Variants in PPP6R2 observed in about 807,000 individuals in gnomAD.
PPP6R2 encodes the protein protein phosphatase 6 regulatory subunit 2, also known as serine/threonine-protein phosphatase 6 regulatory subunit 2.
PPP6R2 carries 62 observed loss-of-function variants against 100.2 expected under a neutral mutation model. The ratio of observed to expected loss-of-function variants is 0.62; its 90% CI spans 0.50 to 0.76. The LOEUF is 0.76. Ranked by LOEUF, PPP6R2 falls within the 30% of genes least tolerant of loss-of-function variation. The probability of loss-of-function intolerance (pLI) is 0.00; values close to 1 mark genes in which losing one functional copy is unlikely to be tolerated. For synonymous variants in PPP6R2, 525 were observed against 514.7 expected (o/e 1.02, Z -0.27); for missense variants, 1,142 against 1,276.3 (o/e 0.89, Z 1.60).
At chr22:50,381,050 G>A (rs898531249) in intron 2 of PPP6R2, among the ~76,000 whole-genome samples, 6 of 146,498 alleles carry the variant, frequency 4.1e-5, no homozygotes, top group African/African-American at 1.3e-4. Flanking sequence ...GGAGGTGGAT[G>A]TTGCAGTGAG....
intron 13 of PPP6R2, among the ~76,000 whole-genome samples, chr22:50,436,038 C>T (rs566255739): frequency 1.4e-4 from 21 of 152,308 alleles, no homozygotes; most frequent in African/African-American, 3.8e-4. Context: ...ACGGCTTCTG[C>T]GTTTCTGGGA....
intron 1 of PPP6R2, among the ~76,000 whole-genome samples, chr22:50,371,746 C>G (rs769456250): frequency 3.3e-5 from 5 of 152,090 alleles, no homozygotes; most frequent in Non-Finnish European, 7.4e-5. Context: ...CTCCAGTGAT[C>G]CCGCCTCAGC....
chr22:50,432,228 A>G (rs1476685683), intron 11 of PPP6R2, 37 bp from the exon 12 acceptor site: 1 of 1,535,746 alleles, frequency 6.5e-7, no homozygotes. Context: ...CCGCCTTCAG[A>G]CCCTGACTCA....
intron 8 of PPP6R2, among the ~76,000 whole-genome samples, chr22:50,421,596 TATCTC>T (rs2147782839): frequency 6.6e-6 from 1 of 152,296 alleles, no homozygotes; most frequent in Non-Finnish European, 1.5e-5. Flanking sequence ...TTTAAATAAA[TATCTC>T]AGAAGACTTG....
chr22:50,432,132 G>A, intron 11 of PPP6R2, 133 bp from the exon 12 acceptor site: 4 of 779,264 alleles, frequency 5.1e-6, no homozygotes, highest in South Asian at 5.1e-5. Context: ...GGCTGTGCGT[G>A]CGCAGCAGTC....
chr22:50,339,161 G>A (rs896839743), upstream of PPP6R2, among the ~76,000 whole-genome samples: 3 of 148,260 alleles, frequency 2.0e-5, no homozygotes, highest in African/African-American at 5.0e-5. Flanking sequence ...TGTGTGGTAT[G>A]TGGTGTGTGT....
intron 1 of PPP6R2, among the ~76,000 whole-genome samples, chr22:50,360,074 A>G (rs1243152453): frequency 2.2e-5 from 3 of 137,160 alleles, no homozygotes; most frequent in Non-Finnish European, 4.6e-5. Context: ...TTTTTTTGAG[A>G]TGGACTCTTG....
intron 22 of PPP6R2, 117 bp from the exon 23 acceptor site, chr22:50,443,749 C>A: frequency 7.2e-7 from 1 of 1,395,586 alleles, no homozygotes; most frequent in Middle Eastern, 2.6e-4. Context: ...GTGAGAGGGG[C>A]CAAAGATGGT....
chr22:50,385,507 G>GTT (rs71318815), intron 2 of PPP6R2, among the ~76,000 whole-genome samples: 190 of 131,388 alleles, frequency 1.4e-3, no homozygotes, highest in Non-Finnish European at 2.0e-3. Flanking sequence ...CAGGGATTAA[G>GTT]TTTTTTTTTT....
the PPP6R2 span, among the ~76,000 whole-genome samples, chr22:50,332,286 G>A: frequency 4.2e-3 from 634 of 150,504 alleles, 9 homozygotes; most frequent in East Asian, 0.066. Flanking sequence ...GGAGTGCAGT[G>A]GTGCAATCTT....
In PPP6R2 at chr22:50,436,583, A is replaced by T. The variant is rs1293374318; in HGVS notation, c.1602+131A>T. On this transcript the variant is annotated intron_variant, in intron 14 of 23. Coordinates refer to ENST00000612753, the MANE Select transcript of PPP6R2 (RefSeq NM_001242898.2). ...GCACGCCTGCCTGCTCCTCTTGACT[A>T]TGCGGTGCCCCTGCATAGTGTGTCC... 5 of 859,302 alleles carry T rather than the reference A, an allele frequency of 5.8e-6. No homozygotes were observed. In the Admixed American group the frequency reaches 8.7e-5, roughly 15 times the overall value. The allele number at this position is 859,302 out of a possible 1,614,324, so 53.2% of individuals were successfully genotyped here. A position where few individuals can be genotyped will look rare whatever the true frequency, so the allele number is the denominator to read the frequency against.
rs1469355138 is a variant in PPP6R2 at position 50,444,529 on chromosome 22, TG to T, written c.*287del. On this transcript the variant is annotated 3_prime_UTR_variant, in exon 24 of 24. Coordinates refer to ENST00000612753, the MANE Select transcript of PPP6R2 (RefSeq NM_001242898.2). ...TAAGGTCGGCCTGCAGGAGCCGGGG[TG>T]GGGGTGGGGGTGGGGGGGGCAGGAC... The T allele has an allele frequency of 1.8e-4, 3 of 16,402 alleles. No homozygotes were observed. The highest frequency in any genetic ancestry group is 3.4e-4 in the Non-Finnish European group (3 of 8,896). 1.0% of individuals were successfully genotyped at this position (16,402 alleles called of 1,614,324 possible). A position where few individuals can be genotyped will look rare whatever the true frequency, so the allele number is the denominator to read the frequency against.
intron 2 of PPP6R2, among the ~76,000 whole-genome samples, chr22:50,381,267 T>C (rs28705273): frequency 0.29 from 15,252 of 53,158 alleles, 419 homozygotes; most frequent in South Asian, 0.38. Flanking sequence ...CACACGGGCC[T>C]CACCTCAGCA....
At chr22:50,438,080 T>G in intron 17 of PPP6R2, 94 bp from the exon 18 acceptor site, 1 of 1,529,912 alleles carries the variant, frequency 6.5e-7, no homozygotes, top group Non-Finnish European at 8.8e-7. Flanking sequence ...GGCTCCCACA[T>G]CCCGAACTAA....
chr22:50,383,351 G>A (rs567570061), intron 2 of PPP6R2, among the ~76,000 whole-genome samples: 1 of 152,132 alleles, frequency 6.6e-6, no homozygotes, highest in Non-Finnish European at 1.5e-5. Context: ...AGTCCTTTTG[G>A]AAGTCTTATT....
At chr22:50,384,636 G>A (rs2148721675) in intron 2 of PPP6R2, among the ~76,000 whole-genome samples, 1 of 152,388 alleles carries the variant, frequency 6.6e-6, no homozygotes. Context: ...TCTGGTGGGG[G>A]CCTTCTTGCT....
chr22:50,336,207 C>T, the PPP6R2 span, among the ~76,000 whole-genome samples: 1 of 151,756 alleles, frequency 6.6e-6, no homozygotes, highest in Non-Finnish European at 1.5e-5. Flanking sequence ...CCAGGATGGT[C>T]TCGATCTCCT....
Position 50,431,087 on chromosome 22 carries a change from T to A in PPP6R2, c.1126-86T>A. 1 of 1,185,200 alleles carries A rather than the reference T, an allele frequency of 8.4e-7. No homozygotes were observed. Among genetic ancestry groups the A allele is most frequent in the African/African-American group, 1.5e-5 (1 of 66,000 alleles). 73.4% of individuals were successfully genotyped at this position (1,185,200 alleles called of 1,614,324 possible). On this transcript the variant is annotated intron_variant, in intron 10 of 23. Transcript: ENST00000612753. The surrounding 1 kb of genome is among the most constrained non-coding windows in gnomAD (Gnocchi z 4.8). ...ACTTGTGAGGAGTTAGGACGCCACC[T>A]TTAGGAAGGGTTTCCCTCAGCTTTG... is the stretch of plus-strand genomic sequence containing the variant.
At chr22:50,438,570 C>T (rs767126423) in intron 18 of PPP6R2, 29 bp from the exon 19 acceptor site, 2 of 1,612,068 alleles carry the variant, frequency 1.2e-6, no homozygotes, top group Non-Finnish European at 8.5e-7. Flanking sequence ...TCCTGGGCCA[C>T]CAGACATCTG....
Sources: allele counts gnomAD v4.1 joint callset (sites outside exome capture counted in the v4.1 genomes callset), GRCh38; gene constraint gnomAD v4.1.1; non-coding constraint Gnocchi (gnomAD v3.1); transcripts MANE v1.5; gene names NCBI Gene and HGNC (gene_info 2026-07-23, HGNC 2026-07-21).